The following PXDN variants were observed in gnomAD, a reference collection of about 807,000 sequenced individuals.
The protein encoded by PXDN is peroxidasin homolog.
A neutral mutation model predicts 140.3 loss-of-function variants in PXDN; 77 were observed. The observed-to-expected ratio is 0.55, with a 90% CI of 0.46 to 0.66. PXDN has a LOEUF of 0.66. PXDN is among the 30% of genes least tolerant of loss of function. The probability of loss-of-function intolerance (pLI) is 0.00; values close to 1 mark genes in which losing one functional copy is unlikely to be tolerated. For missense variants in PXDN, 1,838 were observed against 2,039.5 expected, an observed-to-expected ratio of 0.90 and a Z score of 1.90; for synonymous variants, 911 against 857.4, an observed-to-expected ratio of 1.06 and a Z score of -1.09.
At chr2:1,658,681 C>T (rs1683227797) in intron 14 of PXDN, among the ~76,000 whole-genome samples, 1 of 152,098 alleles carries the variant, frequency 6.6e-6, no homozygotes, top group African/African-American at 2.4e-5. Flanking sequence ...CCCGGTATGT[C>T]TGCAAGGACA....
chr2:1,682,994 T>C (rs1683950481), intron 6 of PXDN, among the ~76,000 whole-genome samples: 2 of 152,106 alleles, frequency 1.3e-5, no homozygotes, highest in South Asian at 4.2e-4. Flanking sequence ...ACACAGAATA[T>C]AGCACAGAGG....
At chr2:1,688,053 T>G (rs1440441135) in intron 3 of PXDN, among the ~76,000 whole-genome samples, 1 of 152,200 alleles carries the variant, frequency 6.6e-6, no homozygotes, top group African/African-American at 2.4e-5. Context: ...GTATAATGCA[T>G]TGGCTGTAAG....
chr2:1,674,055 C>G (rs1043481060), intron 8 of PXDN, among the ~76,000 whole-genome samples: 2 of 152,190 alleles, frequency 1.3e-5, no homozygotes, highest in East Asian at 1.9e-4. Flanking sequence ...TTCAATCTAT[C>G]TACATGTTTT....
At chr2:1,692,531 C>T (rs762733444) in intron 2 of PXDN, 11 of 471,672 alleles carry the variant, frequency 2.3e-5, no homozygotes, top group Admixed American at 1.9e-4. Flanking sequence ...GCTCTTACAC[C>T]GTTGTGCTCA....
chr2:1,706,582 C>T (rs539525712), intron 1 of PXDN, among the ~76,000 whole-genome samples: 18 of 115,584 alleles, frequency 1.6e-4, no homozygotes, highest in Admixed American at 3.1e-4. Context: ...TCTGAGAGCA[C>T]GCTTCAGTGT....
chr2:1,726,195 T>C (rs1685179648), intron 1 of PXDN, among the ~76,000 whole-genome samples: 2 of 151,658 alleles, frequency 1.3e-5, no homozygotes, highest in African/African-American at 4.8e-5. Context: ...CCAACAATGA[T>C]AGACTGGATT....
At position 1,683,710 on chromosome 2, in the gene PXDN, C is replaced by T. The variant is rs374666392; in HGVS notation, c.506G>A (p.Arg169Gln). The change falls in exon 6 of 23, where the codon CGG (arginine) becomes CAG (glutamine). Residue 169 changes from arginine to glutamine, a missense_variant. Around this residue, in one of 5 missense-constraint regions of PXDN, gnomAD observed 208 missense variants for 325.8 expected, o/e 0.64. Transcript: ENST00000252804. The stretch of plus-strand genomic sequence containing the variant: ...TGTCCCTGGAACTAAATGTGTAATC[C>T]GGTTGTTATGCAAAAATCTGTTGAA... ...KLERLFLHNN[R>Q]ITHLVPGTFN... The T allele has an allele frequency of 1.2e-4, 187 of 1,603,396 alleles. No homozygotes were observed. Among genetic ancestry groups the T allele is most frequent in the Admixed American group, 2.8e-4 (16 of 57,598 alleles).
At chr2:1,744,615 A>AGGGCG (rs533568476), upstream of PXDN, 47 of 618,562 alleles carry the variant, frequency 7.6e-5, 1 homozygote, top group East Asian at 5.6e-4. Flanking sequence ...TGAATCCCCG[A>AGGGCG]GGGCGGGGCG....
intron 19 of PXDN, among the ~76,000 whole-genome samples, chr2:1,642,482 G>A (rs535996310): frequency 7.4e-4 from 112 of 152,228 alleles, no homozygotes; most frequent in African/African-American, 2.6e-3. Flanking sequence ...ACAGATTGCC[G>A]GGTGAGGCCG....
At chr2:1,705,244 C>G (rs546298134) in intron 1 of PXDN, among the ~76,000 whole-genome samples, 1 of 152,280 alleles carries the variant, frequency 6.6e-6, no homozygotes, top group South Asian at 2.1e-4. Context: ...CGGCTCAGTT[C>G]ACTCCCAAAC....
chr2:1,727,682 C>G (rs1041706024), intron 1 of PXDN, among the ~76,000 whole-genome samples: 26 of 152,214 alleles, frequency 1.7e-4, no homozygotes, highest in African/African-American at 5.5e-4. Flanking sequence ...TGGAGTCCAA[C>G]CCCCTGCCCA....
At position 1,663,614 on chromosome 2, in the gene PXDN, GCA is replaced by G; in HGVS notation, c.1556_1557del (p.Val519AlafsTer57). 1 of 1,613,930 alleles carries G rather than the reference GCA, an allele frequency of 6.2e-7. No individual in the cohort carries two copies. On this transcript the variant is annotated frameshift_variant, in exon 12 of 23. Coordinates refer to ENST00000252804, the MANE Select transcript of PXDN (RefSeq NM_012293.3). LOFTEE classifies it high-confidence loss of function. Reference sequence around the variant, plus strand: ...ACCTCCTGGCACCTACCTCTGGGCTGCACAGTCAGGTGGGCCACGACCTTCTG... The same window carrying G: ...ACCTCCTGGCACCTACCTCTGGGCTGCAGTCAGGTGGGCCACGACCTTCTG... The part of the protein sequence containing the change: ...GSQKVVAHLT[V>X]QPRVTPVFAS...
At chr2:1,692,412 C>A in intron 2 of PXDN, 1 of 444,962 alleles carries the variant, frequency 2.2e-6, no homozygotes. Context: ...GGCCCGTGCT[C>A]CATTCGAGCG....
rs1684223813 is a variant in PXDN at position 1,693,223 on chromosome 2, C to T, written c.201-89G>A. 1.2e-5 allele frequency: 13 copies of T among 1,093,572 alleles called. No individual in the cohort carries two copies. In the Admixed American group the frequency reaches 2.7e-4, roughly 23 times the overall value. The allele number at this position is 1,093,572 out of a possible 1,614,324, so 67.7% of individuals were successfully genotyped here. ...GCTGCTCTTAGTTTCAAAATGGTGA[C>T]AATGCATTTAAAATATTAAACCACC... On this transcript the variant is annotated intron_variant, in intron 1 of 22. Transcript: ENST00000252804.
chr2:1,686,092 G>A (rs561648376), intron 4 of PXDN, among the ~76,000 whole-genome samples: 4 of 151,534 alleles, frequency 2.6e-5, no homozygotes, highest in African/African-American at 7.2e-5. Flanking sequence ...GAGCCGATCC[G>A]GGGAAGGGGT....
chr2:1,724,924 A>C (rs993697073), intron 1 of PXDN, among the ~76,000 whole-genome samples: 2 of 152,180 alleles, frequency 1.3e-5, no homozygotes, highest in African/African-American at 4.8e-5. Flanking sequence ...TGTAACAAGA[A>C]TTGCATTGAA....
At chr2:1,675,165 TC>T (rs367736838) in intron 8 of PXDN, among the ~76,000 whole-genome samples, 4 of 151,160 alleles carry the variant, frequency 2.6e-5, no homozygotes, top group Admixed American at 6.6e-5. Flanking sequence ...TGTGGCCCAA[TC>T]CCCCCCACCA....
chr2:1,702,447 C>T (rs1051502372), intron 1 of PXDN, among the ~76,000 whole-genome samples: 2 of 152,224 alleles, frequency 1.3e-5, no homozygotes, highest in Non-Finnish European at 2.9e-5. Flanking sequence ...GGCTGACTCT[C>T]CCACATGTCA....
Position 1,644,772 on chromosome 2 carries a change from C to CT in PXDN, c.3609-21dup, listed in dbSNP as rs781033709. 1 of 1,484,616 alleles carries CT rather than the reference C, an allele frequency of 6.7e-7. No individual in the cohort carries two copies. Among genetic ancestry groups the CT allele is most frequent in the Admixed American group, 2.2e-5 (1 of 45,392 alleles). The allele number at this position is 1,484,616 out of a possible 1,614,324, so 92.0% of individuals were successfully genotyped here. On this transcript the variant is annotated intron_variant, in intron 17 of 22. Transcript: ENST00000252804. ...TACAACCTAAAAAATAAAGAGAAAA[C>CT]TGAAATCTACCTAACAAAGCTGCAC...
Sources: allele counts gnomAD v4.1 joint callset (sites outside exome capture counted in the v4.1 genomes callset), GRCh38; gene constraint gnomAD v4.1.1; regional missense constraint gnomAD v4.1.1; transcripts MANE v1.5; gene names NCBI Gene and HGNC (gene_info 2026-07-23, HGNC 2026-07-21).